Variants in LRRC47 observed in about 807,000 individuals in gnomAD.
LRRC47 encodes leucine rich repeat containing 47, also known as leucine-rich repeat-containing protein 47.
A neutral mutation model predicts 40.9 loss-of-function variants in LRRC47; 31 were observed. That is an observed-to-expected ratio of 0.76 (90% CI 0.57 to 1.02). The LOEUF (loss-of-function observed/expected upper bound fraction) is 1.02. Among genes scored for constraint, LRRC47 ranks in the 50% least tolerant of loss-of-function variants. LRRC47 has a pLI of 0.00. For missense variants in LRRC47, 726 were observed against 796.1 expected (o/e 0.91, Z 1.06); for synonymous variants, 427 against 371.9 (o/e 1.15, Z -1.70).
chr1:3,783,881 GC>G, intron 4 of LRRC47, 114 bp downstream of exon 4: 1 of 774,962 alleles, frequency 1.3e-6, no homozygotes, highest in South Asian at 1.7e-5. Context: ...CTGTTAAGAA[GC>G]TTCTGGGTTC....
At position 3,787,004 on chromosome 1, in the gene LRRC47, G is replaced by A; in HGVS notation, c.922C>T (p.Leu308=). ...TCAGAGACGTGCAGGACCCTGAGCA[G>A]CAGCCGGCCGGCATCTCCCACGTCC... ...EQDVGDAGRL[L]LRVLHVSENP... Residue 308 remains leucine (L), a synonymous_variant, in exon 2 of 7, where the codon CTG becomes TTG. Transcript: ENST00000378251. The A allele has an allele frequency of 6.2e-7, 1 of 1,611,658 alleles. No individual in the cohort carries two copies. The highest frequency in any genetic ancestry group is 8.5e-7 in the Non-Finnish European group (1 of 1,179,080).
chr1:3,782,452 G>A (rs537140963), intron 5 of LRRC47, among the ~76,000 whole-genome samples: 20 of 152,202 alleles, frequency 1.3e-4, no homozygotes, highest in Middle Eastern at 6.8e-3. Context: ...GCACCGCCAC[G>A]CCCGGCGAAT....
intron 1 of LRRC47, among the ~76,000 whole-genome samples, chr1:3,789,334 C>G (rs535384318): frequency 6.6e-6 from 1 of 152,390 alleles, no homozygotes; most frequent in South Asian, 2.1e-4. Flanking sequence ...ATCTGAGGTT[C>G]TGCTCTGTGG....
chr1:3,790,771 G>C (rs887979847), intron 1 of LRRC47, among the ~76,000 whole-genome samples: 1 of 152,242 alleles, frequency 6.6e-6, no homozygotes, highest in Admixed American at 6.5e-5. Context: ...TGCACTGCAG[G>C]TCCCAGCCCA....
intron 1 of LRRC47, 26 bp from the exon 2 acceptor site, chr1:3,787,336 A>C (rs768126856): frequency 1.3e-6 from 2 of 1,585,888 alleles, no homozygotes; most frequent in Non-Finnish European, 1.7e-6. Flanking sequence ...TGGACGCGTC[A>C]GACGCCCGGA....
chr1:3,780,985 A>C lies in LRRC47; in HGVS notation c.*103T>G, dbSNP rs1643513199. ...GCGAGACTCCATCTCAAAAAAAAAA[A>C]CCAACAAAAAAACTGGGGTGAAAAT... On this transcript the variant is annotated 3_prime_UTR_variant, in exon 7 of 7. Transcript: ENST00000378251. 6 of 1,516,066 alleles carry C rather than the reference A, an allele frequency of 4.0e-6. No individual in the cohort carries two copies. Among genetic ancestry groups the C allele is most frequent in the East Asian group, 2.3e-5 (1 of 43,948 alleles). 93.9% of individuals were successfully genotyped at this position (1,516,066 alleles called of 1,614,324 possible).
chr1:3,796,405 C>G lies in LRRC47; in HGVS notation c.72G>C (p.Leu24=), dbSNP rs1400383737. 1 of 1,516,464 alleles carries G rather than the reference C, an allele frequency of 6.6e-7. No homozygotes were observed. Among genetic ancestry groups the G allele is most frequent in the South Asian group, 1.2e-5 (1 of 82,704 alleles). The allele number at this position is 1,516,464 out of a possible 1,614,324, so 93.9% of individuals were successfully genotyped here. ...ELAERERRRE[L]LLTGPGLEER... ...CCTCCAGCCCGGGCCCCGTCAGCAG[C>G]AGCTCCCGCCGCCGCTCGCGCTCAG... The change falls in exon 1 of 7, where the codon CTG becomes CTC. Residue 24 remains leucine (L), a synonymous_variant. Transcript: ENST00000378251.
At chr1:3,793,320 C>T (rs1224202499) in intron 1 of LRRC47, among the ~76,000 whole-genome samples, 3 of 152,082 alleles carry the variant, frequency 2.0e-5, no homozygotes, top group African/African-American at 4.8e-5. Flanking sequence ...TTAGAACTCC[C>T]GACCTCAGGT....
At position 3,785,005 on chromosome 1, in the gene LRRC47, A is replaced by AC. The variant is rs1300625099; in HGVS notation, c.1194+81_1194+82insG. On this transcript the variant is annotated intron_variant, in intron 3 of 6. Transcript: ENST00000378251. ...GGAACTCCATCTCCAAAAAAAAAAA[A>AC]AGTTCGGGCTGCAGTAGCAGCATGG... The AC allele has an allele frequency of 3.6e-6, 4 of 1,098,288 alleles. No individual in the cohort carries two copies. In the African/African-American group the frequency reaches 6.6e-5, roughly 18 times the overall value. 68.0% of individuals were successfully genotyped at this position (1,098,288 alleles called of 1,614,324 possible).
chr1:3,786,267 G>T (rs1235391472), intron 2 of LRRC47, among the ~76,000 whole-genome samples: 1 of 152,162 alleles, frequency 6.6e-6, no homozygotes, highest in Non-Finnish European at 1.5e-5. Context: ...GGAGGCCAAG[G>T]CGGGTGGACT....
rs1643496476 is a variant in LRRC47 at position 3,779,354 on chromosome 1, G to C, written c.*1734C>G. On this transcript the variant is annotated 3_prime_UTR_variant, in exon 7 of 7. Transcript: ENST00000378251. Reference sequence around the variant, plus strand: ...CTACAGACACAGAAATCGAGACACTGAACAGAGAACAAATGGTGTCATTCG... The same window carrying C: ...CTACAGACACAGAAATCGAGACACTCAACAGAGAACAAATGGTGTCATTCG... The C allele has an allele frequency of 6.6e-6, 1 of 152,222 alleles. No homozygotes were observed. Among genetic ancestry groups the C allele is most frequent in the African/African-American group, 2.4e-5 (1 of 41,446 alleles). The allele number at this position is 152,222 out of a possible 1,614,324, so 9.4% of individuals were successfully genotyped here. A position where few individuals can be genotyped will look rare whatever the true frequency, so the allele number is the denominator to read the frequency against.
intron 2 of LRRC47, among the ~76,000 whole-genome samples, chr1:3,786,553 G>A (rs888006858): frequency 1.3e-5 from 2 of 152,074 alleles, no homozygotes; most frequent in African/African-American, 2.4e-5. Context: ...CAAGGGATAC[G>A]ACCAGTGACC....
chr1:3,785,028 T>C, intron 3 of LRRC47, 59 bp downstream of exon 3: 3 of 1,318,754 alleles, frequency 2.3e-6, no homozygotes, highest in South Asian at 1.3e-5. Flanking sequence ...AGTAGCAGCA[T>C]GGCGTCTTTC....
At chr1:3,787,828 C>T (rs1643590703) in intron 1 of LRRC47, among the ~76,000 whole-genome samples, 1 of 152,102 alleles carries the variant, frequency 6.6e-6, no homozygotes. Context: ...TGCAAAGTTG[C>T]CCGCAGTGAC....
At position 3,779,899 on chromosome 1, in the gene LRRC47, C is replaced by A. The variant is rs1209145179; in HGVS notation, c.*1189G>T. ...AGGGGTCTCCACATCTCCACCCCCA[C>A]AAAGCAATCCAACAGCAGTATGAAG... On this transcript the variant is annotated 3_prime_UTR_variant, in exon 7 of 7. Coordinates refer to ENST00000378251, the MANE Select transcript of LRRC47 (RefSeq NM_020710.3). 2.0e-5 allele frequency: 3 copies of A among 152,178 alleles called. No homozygotes were observed. The highest frequency in any genetic ancestry group is 7.2e-5 in the African/African-American group (3 of 41,434). The allele number at this position is 152,178 out of a possible 1,614,324, so 9.4% of individuals were successfully genotyped here.
intron 1 of LRRC47, 65 bp from the exon 2 acceptor site, chr1:3,787,375 C>A: frequency 6.8e-7 from 1 of 1,472,822 alleles, no homozygotes; most frequent in South Asian, 1.3e-5. Flanking sequence ...AGGTCATGCT[C>A]GAGAGGCAGG....
chr1:3,790,670 C>A (rs966625915), intron 1 of LRRC47, among the ~76,000 whole-genome samples: 2 of 152,268 alleles, frequency 1.3e-5, no homozygotes, highest in Non-Finnish European at 2.9e-5. Context: ...CTGGGGAAGC[C>A]AGGCTCCCAC....
chr1:3,790,405 C>T (rs35608411), intron 1 of LRRC47, among the ~76,000 whole-genome samples: 1 of 152,202 alleles, frequency 6.6e-6, no homozygotes, highest in South Asian at 2.1e-4. Flanking sequence ...GATGTCTTTA[C>T]TAAGGCACCG....
Position 3,779,136 on chromosome 1 carries a change from G to A in LRRC47, c.*1952C>T, listed in dbSNP as rs1019684339. The A allele has an allele frequency of 3.9e-5, 6 of 152,322 alleles. No individual in the cohort carries two copies. Among genetic ancestry groups the A allele is most frequent in the African/African-American group, 1.4e-4 (6 of 41,464 alleles). 9.4% of individuals were successfully genotyped at this position (152,322 alleles called of 1,614,324 possible). On this transcript the variant is annotated 3_prime_UTR_variant, in exon 7 of 7. Coordinates refer to ENST00000378251, the MANE Select transcript of LRRC47 (RefSeq NM_020710.3). ...CCCTCCCTCCCACAGTGGGCGAGAC[G>A]GGAAGGCCTGGCGGTGACCAGACAA...
Sources: gnomAD v4.1 joint callset for allele counts (sites outside exome capture counted in the v4.1 genomes callset) on GRCh38, gnomAD v4.1.1 for gene constraint, MANE v1.5 for transcripts, NCBI Gene and HGNC (gene_info 2026-07-23, HGNC 2026-07-21) for gene names.